MYLIP: variants seen among roughly 807,000 people sequenced by gnomAD.
The protein encoded by MYLIP is myosin regulatory light chain interacting protein, also known as E3 ubiquitin-protein ligase MYLIP.
MYLIP carries 26 observed loss-of-function variants against 45.8 expected under a neutral mutation model. The ratio of observed to expected loss-of-function variants is 0.57; its 90% CI spans 0.42 to 0.79. MYLIP has a LOEUF of 0.79. Ranked by LOEUF, MYLIP falls within the 30% of genes least tolerant of loss-of-function variation. The probability of loss-of-function intolerance (pLI) is 0.00; values close to 1 mark genes in which losing one functional copy is unlikely to be tolerated. For synonymous variants in MYLIP, 213 were observed against 218.1 expected, an observed-to-expected ratio of 0.98 and a Z score of 0.21; for missense variants, 494 against 555.6, an observed-to-expected ratio of 0.89 and a Z score of 1.11.
At chr6:16,130,095 T>C (rs1175432404) in intron 1 of MYLIP, among the ~76,000 whole-genome samples, 1 of 152,222 alleles carries the variant, frequency 6.6e-6, no homozygotes, top group Non-Finnish European at 1.5e-5. Flanking sequence ...AGCTCTGAGA[T>C]GTTTGGAAAA....
Position 16,143,777 on chromosome 6 carries a change from C to A in MYLIP, c.741C>A (p.Asn247Lys). Reference sequence around the variant, plus strand: ...TGACGGTCACCAAGGAATCTGGGAACAGCATCGTGCTCTTGTTTAAAATGA... The same window carrying A: ...TGACGGTCACCAAGGAATCTGGGAAAAGCATCGTGCTCTTGTTTAAAATGA... ...VYLTVTKESGNSIVLLFKMIS... is the reference protein window; with the variant it reads ...VYLTVTKESGKSIVLLFKMIS... Residue 247 changes from asparagine to lysine, a missense_variant, in exon 5 of 7, where the codon AAC becomes AAA. By Grantham distance (94) the Asn-to-Lys change is moderately conservative. Transcript: ENST00000356840. 1.2e-6 allele frequency: 2 copies of A among 1,613,986 alleles called. No individual in the cohort carries two copies. Among genetic ancestry groups the A allele is most frequent in the Non-Finnish European group, 1.7e-6 (2 of 1,180,004 alleles).
At chr6:16,142,355 A>G (rs1275522328) in intron 3 of MYLIP, among the ~76,000 whole-genome samples, 1 of 152,278 alleles carries the variant, frequency 6.6e-6, no homozygotes, top group Non-Finnish European at 1.5e-5. Flanking sequence ...TCCTAAAATA[A>G]AAAATCTATT....
chr6:16,161,323 G>A, the MYLIP span: 1 of 316,226 alleles, frequency 3.2e-6, no homozygotes, highest in African/African-American at 2.2e-5. Context: ...AGCTTCAGAT[G>A]GGTGCCCACA....
chr6:16,130,882 C>A, intron 2 of MYLIP, 135 bp downstream of exon 2: 1 of 868,940 alleles, frequency 1.2e-6, no homozygotes. Context: ...GTTTTCCATG[C>A]AGGTCCTTTT....
At chr6:16,149,126 C>A (rs1023748702), downstream of MYLIP, among the ~76,000 whole-genome samples, 2 of 152,122 alleles carry the variant, frequency 1.3e-5, no homozygotes, top group African/African-American at 2.4e-5. Context: ...TAGCCTGTAA[C>A]GTGTACTTTT....
the MYLIP span, among the ~76,000 whole-genome samples, chr6:16,154,868 C>T: frequency 1.3e-5 from 2 of 152,216 alleles, no homozygotes; most frequent in South Asian, 2.1e-4. Context: ...ATATTAATTA[C>T]CACGCATTTT....
intron 5 of MYLIP, 96 bp downstream of exon 5, chr6:16,143,959 T>C (rs1759733153): frequency 1.5e-6 from 2 of 1,356,180 alleles, no homozygotes; most frequent in Admixed American, 2.2e-5. Context: ...GTTGTGTCAA[T>C]GAGTCTAGTA....
the MYLIP span, among the ~76,000 whole-genome samples, chr6:16,159,500 T>G: frequency 4.6e-5 from 7 of 152,222 alleles, no homozygotes; most frequent in Admixed American, 1.3e-4. Context: ...TAACTGTGTT[T>G]GCTGTCCTTC....
At position 16,141,675 on chromosome 6, in the gene MYLIP, T is replaced by G; in HGVS notation, c.329T>G (p.Leu110Trp). Residue 110 changes from leucine (L) to tryptophan (W), a missense_variant, in exon 3 of 7, where the codon TTG becomes TGG. Transcript: ENST00000356840. ...GAGGCCCTCTTGGCAGGCCACCTCT[T>G]GTGTTCCCCAGAGCAGGCAGTGGAA... ...IKEALLAGHLLCSPEQAVELS... is the reference protein window; with the variant it reads ...IKEALLAGHLWCSPEQAVELS... The G allele has an allele frequency of 6.2e-7, 1 of 1,614,072 alleles. No homozygotes were observed. The highest frequency in any genetic ancestry group is 1.1e-5 in the South Asian group (1 of 91,076).
chr6:16,155,817 T>G, the MYLIP span, among the ~76,000 whole-genome samples: 1 of 152,114 alleles, frequency 6.6e-6, no homozygotes, highest in Non-Finnish European at 1.5e-5. Context: ...ATGGACAGCT[T>G]AAGTATTAAA....
At chr6:16,139,663 T>C (rs967710553) in intron 2 of MYLIP, among the ~76,000 whole-genome samples, 3 of 152,192 alleles carry the variant, frequency 2.0e-5, no homozygotes, top group Non-Finnish European at 4.4e-5. Flanking sequence ...TGGATCTCAG[T>C]CCTCAGATAG....
chr6:16,145,163 G>A lies in MYLIP; in HGVS notation c.1094G>A (p.Gly365Asp), dbSNP rs191241452. The A allele has an allele frequency of 1.3e-5, 21 of 1,614,200 alleles. No individual in the cohort carries two copies. The East Asian group carries it at 4.7e-4, about 36-fold the overall frequency. Residue 365 changes from glycine (G) to aspartate (D), a missense_variant, in exon 6 of 7, where the codon GGC becomes GAC. Physicochemically the swap from Gly to Asp is moderately conservative, Grantham distance 94. Coordinates refer to ENST00000356840, the MANE Select transcript of MYLIP (RefSeq NM_013262.4). ...ESSMNCSSCE[G>D]LSCQQTRVLQ... ...AGCATGAACTGCAGCAGCTGCGAGG[G>A]CCTCAGCTGCCAGCAGACCCGGGTG...
chr6:16,147,839 T>C lies in MYLIP; in HGVS notation c.*1088T>C, dbSNP rs955087187. ...ATGTTTCGAAGGGGTTTTGGTTCTTTTTGCTTCTGTTTTCTTAAACATGTT... is the reference window on the plus strand; with the variant it reads ...ATGTTTCGAAGGGGTTTTGGTTCTTCTTGCTTCTGTTTTCTTAAACATGTT... On this transcript the variant is annotated 3_prime_UTR_variant, in exon 7 of 7. Coordinates refer to ENST00000356840, the MANE Select transcript of MYLIP (RefSeq NM_013262.4). 3.9e-5 allele frequency: 6 copies of C among 152,628 alleles called. No individual in the cohort carries two copies. Among genetic ancestry groups the C allele is most frequent in the African/African-American group, 1.4e-4 (6 of 41,434 alleles). The allele number at this position is 152,628 out of a possible 1,614,324, so 9.5% of individuals were successfully genotyped here. A position where few individuals can be genotyped will look rare whatever the true frequency, so the allele number is the denominator to read the frequency against.
intron 3 of MYLIP, 152 bp downstream of exon 3, chr6:16,141,962 A>C (rs1759683052): frequency 3.0e-6 from 2 of 673,840 alleles, no homozygotes; most frequent in Non-Finnish European, 4.7e-6. Context: ...AGTCATACAT[A>C]ATATACATGT....
chr6:16,147,011 A>T lies in MYLIP; in HGVS notation c.*260A>T, dbSNP rs966958113. On this transcript the variant is annotated 3_prime_UTR_variant, in exon 7 of 7. Coordinates refer to ENST00000356840, the MANE Select transcript of MYLIP (RefSeq NM_013262.4). Reference sequence around the variant, plus strand: ...TCCTTGGATGTTGATTTTTTTTATGATCTAGTAAAGGAATAGGTAAAGTCT... The same window carrying T: ...TCCTTGGATGTTGATTTTTTTTATGTTCTAGTAAAGGAATAGGTAAAGTCT... 6.0e-6 allele frequency: 2 copies of T among 334,664 alleles called. No individual in the cohort carries two copies. 20.7% of individuals were successfully genotyped at this position (334,664 alleles called of 1,614,324 possible). A position where few individuals can be genotyped will look rare whatever the true frequency, so the allele number is the denominator to read the frequency against.
chr6:16,132,024 G>C (rs1305165814), intron 2 of MYLIP, among the ~76,000 whole-genome samples: 1 of 152,102 alleles, frequency 6.6e-6, no homozygotes, highest in African/African-American at 2.4e-5. Context: ...AAAGCTTTGC[G>C]CTTCACTGTC....
chr6:16,140,398 GA>G (rs1759643528), intron 2 of MYLIP, among the ~76,000 whole-genome samples: 1 of 152,098 alleles, frequency 6.6e-6, no homozygotes, highest in Non-Finnish European at 1.5e-5. Flanking sequence ...ATACAACTAG[GA>G]TGGGCTTAAA....
intron 1 of MYLIP, among the ~76,000 whole-genome samples, chr6:16,130,171 A>G (rs1174558075): frequency 1.3e-5 from 2 of 152,184 alleles, no homozygotes; most frequent in Non-Finnish European, 2.9e-5. Context: ...TTGGAGTCCA[A>G]ATGGTTAAAA....
In MYLIP at chr6:16,147,922, C is replaced by T. The variant is rs564667989; in HGVS notation, c.*1171C>T. 2 of 152,660 alleles carry T rather than the reference C, an allele frequency of 1.3e-5. No homozygotes were observed. The highest frequency in any genetic ancestry group is 2.1e-4 in the South Asian group (1 of 4,822). The allele number at this position is 152,660 out of a possible 1,614,324, so 9.5% of individuals were successfully genotyped here. A position where few individuals can be genotyped will look rare whatever the true frequency, so the allele number is the denominator to read the frequency against. On this transcript the variant is annotated 3_prime_UTR_variant, in exon 7 of 7. Coordinates refer to ENST00000356840, the MANE Select transcript of MYLIP (RefSeq NM_013262.4). ...TCAGCTAGCAGGTTTTCTGGGATGT[C>T]GGGAGACCTAGATGACCTTATCGGG...
Sources: allele counts gnomAD v4.1 joint callset (sites outside exome capture counted in the v4.1 genomes callset), GRCh38; gene constraint gnomAD v4.1.1; transcripts MANE v1.5; gene names NCBI Gene and HGNC (gene_info 2026-07-23, HGNC 2026-07-21).